Variants in RAB27A observed in about 807,000 individuals in gnomAD.
The protein encoded by RAB27A is RAB27A, member RAS oncogene family.
Under a neutral mutation model 20.8 loss-of-function variants are expected in RAB27A, and 17 were observed. That is an observed-to-expected ratio of 0.82 (90% CI 0.56 to 1.23). The LOEUF is 1.23. Ranked by LOEUF, RAB27A falls within the 50% of genes most tolerant of loss-of-function variation. The probability of loss-of-function intolerance (pLI) is 0.00; values close to 1 mark genes in which losing one functional copy is unlikely to be tolerated. For synonymous variants in RAB27A, 85 were observed against 92.8 expected (o/e 0.92, Z 0.48); for missense variants, 277 against 266.7 (o/e 1.04, Z -0.27).
intron 1 of RAB27A, chr15:55,270,694 CCAAA>C: frequency 6.6e-6 from 1 of 152,252 alleles, no homozygotes; most frequent in Admixed American, 6.6e-5. Flanking sequence ...AATGCCTGAT[CCAAA>C]CAAACAATAT....
chr15:55,286,296 T>C (rs1218904896), intron 1 of RAB27A, among the ~76,000 whole-genome samples: 1 of 152,224 alleles, frequency 6.6e-6, no homozygotes. Flanking sequence ...AACCATTCTA[T>C]GTGCTATGGA....
intron 1 of RAB27A, among the ~76,000 whole-genome samples, chr15:55,284,946 T>C (rs531556022): frequency 2.0e-5 from 3 of 152,296 alleles, no homozygotes; most frequent in African/African-American, 7.2e-5. Flanking sequence ...TCACCAAAAA[T>C]CAGCCATGGC....
chr15:55,291,510 CAAAAAAAAAAAAAAAAAAAAAAAA>C (rs530643102), upstream of RAB27A, among the ~76,000 whole-genome samples: 1 of 69,000 alleles, frequency 1.4e-5, no homozygotes, highest in Admixed American at 2.2e-4. Flanking sequence ...GACTCTGTTT[CAAAAAAAAAAAAAAAAAAAAAAAA>C]AAAAAAAAAG....
intron 2 of RAB27A, among the ~76,000 whole-genome samples, chr15:55,247,711 G>A (rs770175626): frequency 2.0e-5 from 3 of 152,116 alleles, no homozygotes; most frequent in Non-Finnish European, 2.9e-5. Context: ...GCAGCCAGAC[G>A]TGTTAAACAT....
intron 6 of RAB27A, among the ~76,000 whole-genome samples, chr15:55,219,331 T>A (rs921631610): frequency 6.6e-6 from 1 of 152,220 alleles, no homozygotes; most frequent in Non-Finnish European, 1.5e-5. Flanking sequence ...ATTGAGCATA[T>A]TTCACTCACT....
chr15:55,239,449 T>C (rs1472300130), intron 2 of RAB27A, among the ~76,000 whole-genome samples: 1 of 152,184 alleles, frequency 6.6e-6, no homozygotes, highest in East Asian at 1.9e-4. Context: ...AGATATTCTG[T>C]ATCCAAAAAT....
At chr15:55,227,517 T>A (rs1209676571) in intron 5 of RAB27A, among the ~76,000 whole-genome samples, 2 of 152,098 alleles carry the variant, frequency 1.3e-5, no homozygotes, top group African/African-American at 4.8e-5. Flanking sequence ...ATATTTAAAG[T>A]AATTAATAGC....
At chr15:55,228,109 A>T (rs1028510229) in intron 5 of RAB27A, among the ~76,000 whole-genome samples, 9 of 152,188 alleles carry the variant, frequency 5.9e-5, no homozygotes, top group African/African-American at 2.2e-4. Context: ...ATCCTCCTGA[A>T]AGATGCTCTA....
At chr15:55,226,822 T>C (rs1313982803) in intron 5 of RAB27A, among the ~76,000 whole-genome samples, 3 of 144,448 alleles carry the variant, frequency 2.1e-5, no homozygotes, top group Non-Finnish European at 4.5e-5. Flanking sequence ...GAGCCGAGAC[T>C]GCACCATTGC....
chr15:55,295,185 A>G (rs934525808), intron 2 of RAB27A, among the ~76,000 whole-genome samples: 7 of 152,138 alleles, frequency 4.6e-5, no homozygotes, highest in African/African-American at 1.7e-4. Context: ...AAAAAGCAAG[A>G]GAAAGAGAAA....
At chr15:55,255,105 C>T (rs1897030997) in intron 2 of RAB27A, among the ~76,000 whole-genome samples, 2 of 152,168 alleles carry the variant, frequency 1.3e-5, no homozygotes. Context: ...GGCTGAGGTC[C>T]TATTGACTGC....
intron 2 of RAB27A, among the ~76,000 whole-genome samples, chr15:55,256,118 A>C (rs1001754109): frequency 1.4e-4 from 21 of 152,306 alleles, no homozygotes; most frequent in African/African-American, 5.1e-4. Flanking sequence ...GGGAGGTCAG[A>C]AAAGGGGAGC....
At chr15:55,317,297 T>A (rs2055053327) in intron 1 of RAB27A, 1 of 157,124 alleles carries the variant, frequency 6.4e-6, no homozygotes, top group African/African-American at 2.4e-5. Context: ...TTCATCTCCA[T>A]GAGGTATTTG....
chr15:55,274,794 T>TTATATATATA (rs371945954), intron 1 of RAB27A, among the ~76,000 whole-genome samples: 2,201 of 51,990 alleles, frequency 0.042, 184 homozygotes, highest in Non-Finnish European at 0.049. Context: ...AATAAATAAA[T>TTATATATATA]TATATATATA....
At chr15:55,299,205 A>G (rs930222906) in intron 2 of RAB27A, among the ~76,000 whole-genome samples, 3 of 152,252 alleles carry the variant, frequency 2.0e-5, no homozygotes, top group Non-Finnish European at 4.4e-5. Context: ...TTATAAAAGT[A>G]TTAATTTGGG....
At chr15:55,316,244 A>T (rs925563719) in intron 1 of RAB27A, among the ~76,000 whole-genome samples, 1 of 151,948 alleles carries the variant, frequency 6.6e-6, no homozygotes, top group East Asian at 1.9e-4. Flanking sequence ...CAAAAAAAAA[A>T]AAAAAAAAAG....
At chr15:55,224,100 C>G in intron 5 of RAB27A, 88 bp from the exon 6 acceptor site, 2 of 1,003,648 alleles carry the variant, frequency 2.0e-6, no homozygotes, top group Non-Finnish European at 3.0e-6. Context: ...GCTTTGAAGA[C>G]TATAATGTAT....
intron 5 of RAB27A, among the ~76,000 whole-genome samples, chr15:55,224,412 T>C (rs931890859): frequency 1.3e-5 from 2 of 152,238 alleles, no homozygotes; most frequent in African/African-American, 4.8e-5. Context: ...TGTGTTTTTT[T>C]CTCCATAGCA....
intron 5 of RAB27A, among the ~76,000 whole-genome samples, chr15:55,226,509 T>TTG (rs36074324): frequency 0.059 from 8,731 of 148,692 alleles, 680 homozygotes; most frequent in African/African-American, 0.18. Flanking sequence ...TTTTATGTAT[T>TTG]TGTGTGTGTG....
Sources: allele counts gnomAD v4.1 joint callset (sites outside exome capture counted in the v4.1 genomes callset), GRCh38; gene constraint gnomAD v4.1.1; transcripts MANE v1.5; gene names NCBI Gene and HGNC (gene_info 2026-07-23, HGNC 2026-07-21).